Variants in CSGALNACT1 observed in about 807,000 individuals in gnomAD.
CSGALNACT1 encodes the protein chondroitin sulfate N-acetylgalactosaminyltransferase 1.
CSGALNACT1 carries 52 observed loss-of-function variants against 51.0 expected under a neutral mutation model. The observed-to-expected ratio is 1.02, with a 90% confidence interval of 0.82 to 1.29. The LOEUF is 1.29. Ranked by LOEUF, CSGALNACT1 falls within the 50% of genes most tolerant of loss-of-function variation. CSGALNACT1 has a pLI of 0.00. For missense variants in CSGALNACT1, 935 were observed against 679.2 expected, an observed-to-expected ratio of 1.38 and a Z score of -4.19; for synonymous variants, 341 against 254.4, an observed-to-expected ratio of 1.34 and a Z score of -3.24.
At chr8:19,721,831 C>G (rs1020379987) in intron 1 of CSGALNACT1, among the ~76,000 whole-genome samples, 2 of 152,100 alleles carry the variant, frequency 1.3e-5, no homozygotes, top group Non-Finnish European at 2.9e-5. Context: ...TACATAAAGT[C>G]AATACTTCTA....
chr8:19,579,387 T>G (rs1474524367), intron 3 of CSGALNACT1, among the ~76,000 whole-genome samples: 11 of 152,202 alleles, frequency 7.2e-5, no homozygotes, highest in Non-Finnish European at 2.9e-5. Context: ...CTCTGGGTAA[T>G]TGCTTTTCAC....
At chr8:19,755,713 C>T (rs963083636) in intron 1 of CSGALNACT1, among the ~76,000 whole-genome samples, 8 of 152,132 alleles carry the variant, frequency 5.3e-5, no homozygotes, top group African/African-American at 1.9e-4. Flanking sequence ...AAGCTCACTG[C>T]ACTGTAATGT....
chr8:19,753,803 T>C (rs975713371), intron 1 of CSGALNACT1, among the ~76,000 whole-genome samples: 8 of 152,356 alleles, frequency 5.3e-5, no homozygotes, highest in South Asian at 2.1e-4. Flanking sequence ...TTTGTTTATA[T>C]ACATTGTCAG....
intron 3 of CSGALNACT1, among the ~76,000 whole-genome samples, chr8:19,510,266 A>C (rs1389373955): frequency 6.6e-6 from 1 of 152,176 alleles, no homozygotes; most frequent in Admixed American, 6.5e-5. Flanking sequence ...CCATTCTTAC[A>C]ATCTCTGGGC....
At chr8:19,425,925 C>T (rs2058710420) in intron 6 of CSGALNACT1, among the ~76,000 whole-genome samples, 1 of 152,154 alleles carries the variant, frequency 6.6e-6, no homozygotes. Context: ...TCGCCGCAAA[C>T]TTACAGTGCG....
At chr8:19,687,063 G>T (rs1382896233), upstream of CSGALNACT1, among the ~76,000 whole-genome samples, 1 of 152,100 alleles carries the variant, frequency 6.6e-6, no homozygotes, top group East Asian at 1.9e-4. Flanking sequence ...TAAATGTTAT[G>T]ATTGCGGTTT....
intron 1 of CSGALNACT1, among the ~76,000 whole-genome samples, chr8:19,615,861 A>G (rs1051501016): frequency 4.6e-5 from 7 of 151,818 alleles, no homozygotes; most frequent in African/African-American, 1.7e-4. Context: ...AGGACAAAGA[A>G]CATGTGAAAA....
chr8:19,641,128 CTT>C (rs56681695), intron 1 of CSGALNACT1, among the ~76,000 whole-genome samples: 4,960 of 99,760 alleles, frequency 0.05, 316 homozygotes, highest in East Asian at 0.34. Context: ...GGTGACTGGT[CTT>C]TTTTTTTTTT....
At chr8:19,588,816 T>C (rs936079775) in intron 3 of CSGALNACT1, among the ~76,000 whole-genome samples, 3 of 152,250 alleles carry the variant, frequency 2.0e-5, no homozygotes, top group Non-Finnish European at 4.4e-5. Flanking sequence ...AGATCCTAGC[T>C]GTACTTCCAT....
chr8:19,664,535 A>C (rs1341928130), intron 1 of CSGALNACT1, among the ~76,000 whole-genome samples: 1 of 152,150 alleles, frequency 6.6e-6, no homozygotes, highest in Non-Finnish European at 1.5e-5. Context: ...CTGCCCTCCT[A>C]TGTTTATCCC....
In CSGALNACT1 at chr8:19,631,394, G is replaced by A. The variant is rs557250590; in HGVS notation, c.-543-29529C>T. Among the ~76,000 whole-genome samples, 64 of 152,226 alleles carry A rather than the reference G, an allele frequency of 4.2e-4. 1 individual carries two copies. The highest frequency in any genetic ancestry group is 1.4e-3 in the African/African-American group (57 of 41,530). On this transcript the variant is annotated intron_variant, in intron 1 of 9. Coordinates refer to the CSGALNACT1 transcript ENST00000332246. ...TAGATTCCAGACATTCTAACAGGCG[G>A]GTCTCTTGGATGTGTCTAATAGCTG...
At chr8:19,446,734 G>A (rs558483864) in intron 5 of CSGALNACT1, among the ~76,000 whole-genome samples, 72 of 152,220 alleles carry the variant, frequency 4.7e-4, no homozygotes, top group African/African-American at 1.7e-3. Context: ...GGCTGGTCTC[G>A]AACTCCTGAC....
exon 4 of CSGALNACT1, chr8:19,505,319 C>T (rs779072440): frequency 6.2e-7 from 1 of 1,614,210 alleles, no homozygotes; most frequent in South Asian, 1.1e-5. Flanking sequence ...TGTCCTTCCT[C>T]ACAGGCTTCT....
chr8:19,754,090 T>A (rs1022186354), intron 1 of CSGALNACT1, among the ~76,000 whole-genome samples: 1 of 152,086 alleles, frequency 6.6e-6, no homozygotes, highest in Non-Finnish European at 1.5e-5. Context: ...GGCAGTGGCC[T>A]GATCTCAGCT....
intron 4 of CSGALNACT1, among the ~76,000 whole-genome samples, chr8:19,501,714 T>C (rs925076707): frequency 6.6e-6 from 1 of 152,218 alleles, no homozygotes; most frequent in Admixed American, 6.5e-5. Flanking sequence ...CAAACTTATG[T>C]CCAAGGGATC....
chr8:19,664,730 T>C (rs573452853), intron 1 of CSGALNACT1, among the ~76,000 whole-genome samples: 1 of 152,192 alleles, frequency 6.6e-6, no homozygotes, highest in East Asian at 1.9e-4. Context: ...TGAAATAATG[T>C]CTTTTGTAGC....
In CSGALNACT1 at chr8:19,691,187, G is replaced by C. The variant is rs114247014; in HGVS notation, c.-297+66663C>G. ...GAGGCCACGCCCGAAGGAGAAAACA[G>C]ATAGGTCTGAGTGTGGGGGTAATGC... On this transcript the variant is annotated intron_variant, in intron 1 of 1. Coordinates refer to the CSGALNACT1 transcript ENST00000517494. 7.8e-3 allele frequency among the ~76,000 whole-genome samples: 1,190 copies of C among 152,316 alleles called. 16 individuals are homozygous for C. The highest frequency in any genetic ancestry group is 0.027 in the African/African-American group (1,128 of 41,554).
chr8:19,734,994 C>T (rs1309205296), intron 1 of CSGALNACT1, among the ~76,000 whole-genome samples: 2 of 151,974 alleles, frequency 1.3e-5, no homozygotes, highest in Non-Finnish European at 2.9e-5. Context: ...TTTGATCTTG[C>T]TATCCAGGAA....
At chr8:19,460,729 C>A (rs2065178775) in intron 4 of CSGALNACT1, among the ~76,000 whole-genome samples, 1 of 152,204 alleles carries the variant, frequency 6.6e-6, no homozygotes, top group Admixed American at 6.5e-5. Flanking sequence ...CAAGGTCTCT[C>A]ACAAACCCCT....
Sources: allele counts gnomAD v4.1 joint callset (sites outside exome capture counted in the v4.1 genomes callset), GRCh38; gene constraint gnomAD v4.1.1; transcripts MANE v1.5; gene names NCBI Gene and HGNC (gene_info 2026-07-23, HGNC 2026-07-21).